The following SERPINF1 variants were observed in gnomAD, a reference collection of about 807,000 sequenced individuals.
The protein encoded by SERPINF1 is serpin family F member 1.
SERPINF1 carries 29 observed loss-of-function variants against 37.3 expected under a neutral mutation model. That is an observed-to-expected ratio of 0.78 (90% CI 0.58 to 1.06). The LOEUF (loss-of-function observed/expected upper bound fraction) is 1.06. Among genes scored for constraint, SERPINF1 ranks in the 50% least tolerant of loss-of-function variants. The pLI, the probability that SERPINF1 is intolerant of heterozygous loss-of-function variation, is 0.00. For synonymous variants in SERPINF1, 281 were observed against 227.9 expected (o/e 1.23, Z -2.10); for missense variants, 553 against 532.2 (o/e 1.04, Z -0.38).
At chr17:1,771,847 T>C (rs1455757398) in intron 4 of SERPINF1, 25 bp from the exon 5 acceptor site, 1 of 1,606,380 alleles carries the variant, frequency 6.2e-7, no homozygotes, top group African/African-American at 1.3e-5. Flanking sequence ...TCTCATACGC[T>C]AACCTCTGCT....
At chr17:1,771,538 C>T (rs1387112323) in intron 4 of SERPINF1, among the ~76,000 whole-genome samples, 2 of 152,010 alleles carry the variant, frequency 1.3e-5, no homozygotes, top group African/African-American at 4.8e-5. Flanking sequence ...GCGCTCGGCC[C>T]GTTTCTAAAC....
intron 2 of SERPINF1, 24 bp from the exon 3 acceptor site, chr17:1,769,828 C>A (rs749476765): frequency 6.2e-7 from 1 of 1,613,928 alleles, no homozygotes; most frequent in South Asian, 1.1e-5. Flanking sequence ...GAACTCAAAC[C>A]CAAGACTTCC....
Position 1,775,088 on chromosome 17 carries a change from A to G in SERPINF1, c.674A>G (p.Lys225Arg). The change falls in exon 6 of 8, where the codon AAG becomes AGG. Residue 225 changes from lysine to arginine, a missense_variant. Lys to Arg is a conservative substitution (Grantham distance 26). Transcript: ENST00000254722. ...GQWVTKFDSR[K>R]TSLEDFYLDE... ...TGGGTAACAAAGTTTGACTCCAGAA[A>G]GACTTCCCTCGAGGATTTCTACTTG... is the stretch of plus-strand genomic sequence containing the variant. 1 of 1,614,084 alleles carries G rather than the reference A, an allele frequency of 6.2e-7. No homozygotes were observed. The highest frequency in any genetic ancestry group is 2.2e-5 in the East Asian group (1 of 44,870).
At chr17:1,772,740 A>G (rs1207280392) in intron 5 of SERPINF1, among the ~76,000 whole-genome samples, 1 of 147,434 alleles carries the variant, frequency 6.8e-6, no homozygotes, top group East Asian at 2.1e-4. Context: ...TTGTATTTTT[A>G]GTAGAGACGG....
At chr17:1,769,617 C>G (rs1023208359) in intron 2 of SERPINF1, 8 of 576,526 alleles carry the variant, frequency 1.4e-5, no homozygotes, top group Non-Finnish European at 2.2e-5. Context: ...CAGTAAGACT[C>G]TGTCTCAAAT....
chr17:1,762,180 CAG>C (rs962802317), intron 1 of SERPINF1, 67 bp downstream of exon 1: 1 of 152,380 alleles, frequency 6.6e-6, no homozygotes, highest in African/African-American at 2.4e-5. Context: ...GCTGGGGGGA[CAG>C]GGGAGAGGCA....
intron 4 of SERPINF1, chr17:1,771,631 G>A (rs761932352): frequency 1.8e-6 from 1 of 563,588 alleles, no homozygotes; most frequent in Non-Finnish European, 3.2e-6. Flanking sequence ...GAAAGAGGAA[G>A]TGGGCTGCAG....
chr17:1,770,884 T>G, intron 3 of SERPINF1, 145 bp from the exon 4 acceptor site: 2 of 1,028,796 alleles, frequency 1.9e-6, no homozygotes, highest in South Asian at 1.3e-5. Context: ...TGAAAATTCC[T>G]TGGCCACCTA....
intron 2 of SERPINF1, 45 bp from the exon 3 acceptor site, chr17:1,769,807 T>C: frequency 6.2e-7 from 1 of 1,604,468 alleles, no homozygotes; most frequent in South Asian, 1.1e-5. Context: ...TGTGCATCTC[T>C]GCGAGTCCCT....
chr17:1,768,255 C>A (rs1273472238), intron 2 of SERPINF1, among the ~76,000 whole-genome samples: 1 of 151,844 alleles, frequency 6.6e-6, no homozygotes, highest in Non-Finnish European at 1.5e-5. Flanking sequence ...CATGGTGAAA[C>A]CCCGTCTCTA....
chr17:1,769,729 A>G, intron 2 of SERPINF1, 123 bp from the exon 3 acceptor site: 2 of 1,076,134 alleles, frequency 1.9e-6, no homozygotes, highest in Non-Finnish European at 2.9e-6. Context: ...AAACACAGAA[A>G]AATTAGGAAG....
At chr17:1,768,444 AAAG>A (rs1256048960) in intron 2 of SERPINF1, among the ~76,000 whole-genome samples, 5 of 150,964 alleles carry the variant, frequency 3.3e-5, no homozygotes, top group South Asian at 2.1e-4. Context: ...AAAAAAAAAA[AAAG>A]AAAGAAAGAA....
intron 5 of SERPINF1, among the ~76,000 whole-genome samples, chr17:1,773,436 G>A (rs1353608555): frequency 6.6e-6 from 1 of 151,966 alleles, no homozygotes; most frequent in East Asian, 1.9e-4. Flanking sequence ...AGTAGAGATG[G>A]GGTTTCGCCA....
intron 6 of SERPINF1, among the ~76,000 whole-genome samples, chr17:1,776,194 A>G (rs1029127550): frequency 6.6e-6 from 1 of 152,160 alleles, no homozygotes; most frequent in Admixed American, 6.5e-5. Flanking sequence ...TTAACAAATG[A>G]GCAGTAAATG....
At chr17:1,762,288 G>T in intron 1 of SERPINF1, 175 bp downstream of exon 1, 1 of 152,950 alleles carries the variant, frequency 6.5e-6, no homozygotes. Context: ...GTGGATGAGA[G>T]AGGGCAGAGG....
At chr17:1,775,838 G>A (rs181215232) in intron 6 of SERPINF1, among the ~76,000 whole-genome samples, 3 of 152,310 alleles carry the variant, frequency 2.0e-5, no homozygotes, top group East Asian at 1.9e-4. Flanking sequence ...TTGGCCAATC[G>A]TTGGCATTCT....
At chr17:1,769,192 A>G (rs1358168960) in intron 2 of SERPINF1, among the ~76,000 whole-genome samples, 2 of 150,302 alleles carry the variant, frequency 1.3e-5, no homozygotes, top group Non-Finnish European at 3.0e-5. Flanking sequence ...GGTGGATCAC[A>G]AGGTCAGGAG....
chr17:1,772,241 C>G (rs528764274), intron 5 of SERPINF1, among the ~76,000 whole-genome samples, 166 bp downstream of exon 5: 1 of 151,890 alleles, frequency 6.6e-6, no homozygotes, highest in Admixed American at 6.6e-5. Flanking sequence ...CTCAGCCTCC[C>G]GAGTAGCTGG....
At position 1,769,988 on chromosome 17, in the gene SERPINF1, C is replaced by T. The variant is rs1907621979; in HGVS notation, c.221C>T (p.Pro74Leu). 1 of 1,614,162 alleles carries T rather than the reference C, an allele frequency of 6.2e-7. No homozygotes were observed. ...TACCGGGTGCGATCCAGCACGAGCC[C>T]CACGACCAACGTGCTCCTGTCTCCT... Reference protein sequence around the residue: ...DLYRVRSSTSPTTNVLLSPLS... With the variant: ...DLYRVRSSTSLTTNVLLSPLS... Residue 74 changes from proline (P) to leucine (L), a missense_variant, in exon 3 of 8, where the codon CCC becomes CTC. By Grantham distance (98) the Pro-to-Leu change is moderately conservative. Transcript: ENST00000254722.
Sources: allele counts gnomAD v4.1 joint callset (sites outside exome capture counted in the v4.1 genomes callset), GRCh38; gene constraint gnomAD v4.1.1; transcripts MANE v1.5; gene names NCBI Gene and HGNC (gene_info 2026-07-23, HGNC 2026-07-21).